The following EPB41 variants were observed in gnomAD, a reference collection of about 807,000 sequenced individuals.
EPB41 encodes the protein erythrocyte membrane protein band 4.1, also known as protein 4.1.
Under a neutral mutation model 108.0 loss-of-function variants are expected in EPB41, and 65 were observed. The ratio of observed to expected loss-of-function variants is 0.60; its 90% CI spans 0.49 to 0.74. EPB41 has a LOEUF of 0.74. Ranked by LOEUF, EPB41 falls within the 30% of genes least tolerant of loss-of-function variation. The pLI, the probability that EPB41 is intolerant of heterozygous loss-of-function variation, is 0.00. For synonymous variants in EPB41, 336 were observed against 358.9 expected (o/e 0.94, Z 0.72); for missense variants, 875 against 1,037.0 (o/e 0.84, Z 2.15).
chr1:28,904,149 G>A (rs2091562626), intron 1 of EPB41, among the ~76,000 whole-genome samples: 1 of 149,602 alleles, frequency 6.7e-6, no homozygotes, highest in South Asian at 2.1e-4. Flanking sequence ...ACAGGCATGA[G>A]TCACCTTGCC....
Position 29,011,874 on chromosome 1 carries a change from G to T in EPB41, c.796G>T (p.Asp266Tyr). The T allele has an allele frequency of 6.2e-7, 1 of 1,614,096 alleles. No homozygotes were observed. The highest frequency in any genetic ancestry group is 1.3e-5 in the African/African-American group (1 of 75,054). ...WDNATSKTWL[D>Y]SAKEIKKQVR... ...TTTCTCCTTTTTACAGACATGGCTG[G>T]ATTCCGCCAAAGAAATAAAAAAGCA... Residue 266 changes from aspartate (D) to tyrosine (Y), a missense_variant, in exon 5 of 21, where the codon GAT becomes TAT. By Grantham distance (160) the Asp-to-Tyr change is radical. Transcript: ENST00000343067.
chr1:28,990,732 A>T (rs2095998982), intron 2 of EPB41, among the ~76,000 whole-genome samples: 1 of 151,986 alleles, frequency 6.6e-6, no homozygotes, highest in African/African-American at 2.4e-5. Flanking sequence ...GGGGTTTTTA[A>T]CTGCTTTTTT....
At chr1:28,977,394 C>CT (rs58214592) in intron 1 of EPB41, among the ~76,000 whole-genome samples, 370 of 135,814 alleles carry the variant, frequency 2.7e-3, no homozygotes, top group Middle Eastern at 3.8e-3. Context: ...GTATGTTTTT[C>CT]TTTTTTTTTT....
At chr1:28,998,177 G>A (rs146117690) in intron 4 of EPB41, among the ~76,000 whole-genome samples, 193 of 152,290 alleles carry the variant, frequency 1.3e-3, no homozygotes, top group African/African-American at 4.4e-3. Flanking sequence ...GGCCCGGGAA[G>A]TCTCCTCTGG....
chr1:29,070,310 C>G, intron 16 of EPB41: 1 of 1,183,784 alleles, frequency 8.4e-7, no homozygotes, highest in Non-Finnish European at 1.1e-6. Context: ...CATTTTCCAT[C>G]TGTCATTTTG....
At chr1:29,006,860 A>G (rs1290903831) in intron 4 of EPB41, among the ~76,000 whole-genome samples, 4 of 151,816 alleles carry the variant, frequency 2.6e-5, no homozygotes, top group African/African-American at 9.7e-5. Context: ...AGATTGTGCC[A>G]CTGCACTCCT....
upstream of EPB41, among the ~76,000 whole-genome samples, chr1:28,911,506 A>T (rs966238070): frequency 6.6e-6 from 1 of 152,224 alleles, no homozygotes; most frequent in Non-Finnish European, 1.5e-5. Context: ...TAGATGTGCC[A>T]TTGGCTAGCA....
Position 29,058,660 on chromosome 1 carries a change from G to C in EPB41, c.1902+15G>C, listed in dbSNP as rs752340175. 1 of 1,611,648 alleles carries C rather than the reference G, an allele frequency of 6.2e-7. No individual in the cohort carries two copies. Among genetic ancestry groups the C allele is most frequent in the Non-Finnish European group, 8.5e-7 (1 of 1,178,656 alleles). ...ACCAAACACAGGTTTGTGCCAATAG[G>C]CCACTTGTTCCTCTTTCCCTCCACC... On this transcript the variant is annotated intron_variant, in intron 13 of 20. Coordinates refer to ENST00000343067, the MANE Select transcript of EPB41 (RefSeq NM_001376013.1).
intron 8 of EPB41, among the ~76,000 whole-genome samples, chr1:29,030,833 G>GT (rs1353653652): frequency 6.6e-6 from 1 of 150,800 alleles, no homozygotes; most frequent in African/African-American, 2.4e-5. Flanking sequence ...GTTTTGTTTT[G>GT]TTTTTTTGAG....
In EPB41 at chr1:28,887,586, TGCCCG is replaced by T; in HGVS notation, c.-8+381_-8+385del. 1.0e-6 allele frequency: 1 copy of T among 985,020 alleles called. No individual in the cohort carries two copies. Among genetic ancestry groups the T allele is most frequent in the Non-Finnish European group, 1.2e-6 (1 of 829,784 alleles). 61.0% of individuals were successfully genotyped at this position (985,020 alleles called of 1,614,324 possible). A position where few individuals can be genotyped will look rare whatever the true frequency, so the allele number is the denominator to read the frequency against. On this transcript the variant is annotated intron_variant, in intron 1 of 16. Coordinates refer to the EPB41 transcript ENST00000347529. The surrounding 1 kb of genome is among the most constrained non-coding windows in gnomAD (Gnocchi z 4.9). Reference sequence around the variant, plus strand: ...CCCCGGCCGCCCCCTAGCCCCGCCTTGCCCGGCCCCGCATGCTCCTGCCGGGCCCG... The same window carrying T: ...CCCCGGCCGCCCCCTAGCCCCGCCTTGCCCCGCATGCTCCTGCCGGGCCCG...
At chr1:28,893,463 C>T (rs184741991) in intron 1 of EPB41, 1 of 152,368 alleles carries the variant, frequency 6.6e-6, no homozygotes, top group Admixed American at 6.5e-5. Flanking sequence ...GCATTGTAAG[C>T]TCCATAAGTA....
chr1:29,049,965 A>G (rs945909687), intron 11 of EPB41, among the ~76,000 whole-genome samples: 9 of 152,366 alleles, frequency 5.9e-5, no homozygotes, highest in African/African-American at 2.2e-4. Context: ...ATTGAATTAT[A>G]TATTTTAAAT....
intron 2 of EPB41, 132 bp from the exon 3 acceptor site, chr1:28,993,198 A>G (rs1239782194): frequency 1.4e-6 from 1 of 732,402 alleles, no homozygotes. Flanking sequence ...ATAGAAAAAT[A>G]TTTAATATTA....
intron 1 of EPB41, among the ~76,000 whole-genome samples, chr1:28,907,063 G>C (rs1186424986): frequency 7.2e-6 from 1 of 139,852 alleles, no homozygotes; most frequent in African/African-American, 2.7e-5. Flanking sequence ...GAGCCACCAT[G>C]CCTGGCCTTT....
At chr1:29,077,649 G>A (rs557699978) in intron 16 of EPB41, among the ~76,000 whole-genome samples, 1 of 152,068 alleles carries the variant, frequency 6.6e-6, no homozygotes, top group African/African-American at 2.4e-5. Flanking sequence ...TGATATATTT[G>A]GAGTATCAGG....
At chr1:29,033,698 A>G (rs775350372) in intron 9 of EPB41, among the ~76,000 whole-genome samples, 11 of 152,126 alleles carry the variant, frequency 7.2e-5, no homozygotes, top group African/African-American at 1.2e-4. Context: ...TAGATTTTTA[A>G]TAAGAGTTGG....
intron 1 of EPB41, among the ~76,000 whole-genome samples, chr1:28,935,476 C>A (rs865921964): frequency 0.043 from 5,022 of 117,332 alleles, 694 homozygotes; most frequent in African/African-American, 0.13. Context: ...CACCCCCCCC[C>A]CCCCAAGATC....
chr1:28,932,538 A>T (rs948129029), intron 1 of EPB41, among the ~76,000 whole-genome samples: 1 of 149,638 alleles, frequency 6.7e-6, no homozygotes, highest in Non-Finnish European at 1.5e-5. Flanking sequence ...TTTTTTCCCA[A>T]ATAATTCATG....
intron 4 of EPB41, among the ~76,000 whole-genome samples, chr1:29,003,345 A>G (rs1334955760): frequency 6.6e-6 from 1 of 152,258 alleles, no homozygotes. Flanking sequence ...GAGTGAGTAA[A>G]GGCAGAGTGA....
Sources: gnomAD v4.1 joint callset for allele counts (sites outside exome capture counted in the v4.1 genomes callset) on GRCh38, gnomAD v4.1.1 for gene constraint, Gnocchi (gnomAD v3.1) non-coding constraint, MANE v1.5 for transcripts, NCBI Gene and HGNC (gene_info 2026-07-23, HGNC 2026-07-21) for gene names.